The following CCNY variants were observed in gnomAD, a reference collection of about 807,000 sequenced individuals.
The protein encoded by CCNY is cyclin-Y.
A neutral mutation model predicts 42.8 loss-of-function variants in CCNY; 19 were observed. That is an observed-to-expected ratio of 0.44 (90% CI 0.31 to 0.65). CCNY has a LOEUF of 0.65. CCNY is among the 30% of genes least tolerant of loss of function. The pLI, the probability that CCNY is intolerant of heterozygous loss-of-function variation, is 0.07. For synonymous variants in CCNY, 165 were observed against 162.7 expected (o/e 1.01, Z -0.11); for missense variants, 370 against 437.3 (o/e 0.85, Z 1.37).
chr10:35,475,164 G>A (rs919152529), intron 1 of CCNY, among the ~76,000 whole-genome samples: 1 of 152,096 alleles, frequency 6.6e-6, no homozygotes, highest in African/African-American at 2.4e-5. Context: ...ACATCTGATT[G>A]GTGTACCTGA....
intron 8 of CCNY, among the ~76,000 whole-genome samples, chr10:35,559,510 T>A (rs1267950934): frequency 1.3e-5 from 2 of 152,194 alleles, no homozygotes; most frequent in Non-Finnish European, 2.9e-5. Flanking sequence ...TCTATCCATA[T>A]GGCAAAAAAA....
At chr10:35,565,176 AT>A (rs752365912) in intron 8 of CCNY, among the ~76,000 whole-genome samples, 84 of 152,278 alleles carry the variant, frequency 5.5e-4, no homozygotes, top group Non-Finnish European at 7.8e-4. Flanking sequence ...AAGTTTTTGA[AT>A]TTCTCCCAGC....
At chr10:35,251,589 C>CTTTTTTT (rs34197441) in intron 3 of CCNY, among the ~76,000 whole-genome samples, 2 of 139,346 alleles carry the variant, frequency 1.4e-5, no homozygotes, top group African/African-American at 2.6e-5. Flanking sequence ...TTCAATGTCA[C>CTTTTTTT]TTTTTTTTTT....
intron 1 of CCNY, among the ~76,000 whole-genome samples, chr10:35,346,747 CTCCT>C (rs1024151062): frequency 5.9e-5 from 9 of 152,202 alleles, no homozygotes; most frequent in Non-Finnish European, 1.3e-4. Context: ...CCACCTCAGC[CTCCT>C]GAGTAGCTGG....
At position 35,433,039 on chromosome 10, in the gene CCNY, C is replaced by T. The variant is rs1194312636; in HGVS notation, c.155-50365C>T. Among the ~76,000 whole-genome samples the T allele has an allele frequency of 9.2e-5, 14 of 152,166 alleles. 1 individual carries two copies. Among genetic ancestry groups the T allele is most frequent in the Admixed American group, 8.5e-4 (13 of 15,280 alleles). Reference sequence around the variant, plus strand: ...ATTCTTGATGTGCATATGAGGTTAACATCTCTTTAAGATACTGCCTGTAGG... The same window carrying T: ...ATTCTTGATGTGCATATGAGGTTAATATCTCTTTAAGATACTGCCTGTAGG... On this transcript the variant is annotated intron_variant, in intron 1 of 9. Coordinates refer to ENST00000374704, the MANE Select transcript of CCNY (RefSeq NM_145012.6).
chr10:35,253,255 C>T (rs1054120482), intron 3 of CCNY, among the ~76,000 whole-genome samples: 11 of 151,806 alleles, frequency 7.2e-5, no homozygotes, highest in Non-Finnish European at 1.3e-4. Flanking sequence ...GTCTTCTCCA[C>T]GTAATTTTTT....
intron 3 of CCNY, among the ~76,000 whole-genome samples, chr10:35,302,119 C>T (rs1306735004): frequency 3.3e-5 from 5 of 150,772 alleles, no homozygotes; most frequent in Admixed American, 1.3e-4. Context: ...CACGCCACCA[C>T]GCCTGGCTAA....
At chr10:35,331,163 G>A (rs1835939531) in intron 3 of CCNY, among the ~76,000 whole-genome samples, 1 of 152,202 alleles carries the variant, frequency 6.6e-6, no homozygotes, top group Non-Finnish European at 1.5e-5. Context: ...GCATACTGCT[G>A]TTCCTCACAA....
In CCNY at chr10:35,553,020, T is replaced by G. The variant is rs1450377627; in HGVS notation, c.581T>G (p.Val194Gly). 6.2e-7 allele frequency: 1 copy of G among 1,613,444 alleles called. No homozygotes were observed. The highest frequency in any genetic ancestry group is 8.5e-7 in the Non-Finnish European group (1 of 1,179,510). ...LTAECAIVTL[V>G]YLERLLTYAE... ...TCTGGCATTGTCTTGTCTTCCCAGGTGTACCTTGAAAGACTTTTAACATAC... is the reference window on the plus strand; with the variant it reads ...TCTGGCATTGTCTTGTCTTCCCAGGGGTACCTTGAAAGACTTTTAACATAC... The change falls in exon 8 of 10, where the codon GTG becomes GGG. Residue 194 changes from valine to glycine, a missense_variant and splice_region_variant. Val to Gly is a moderately radical substitution (Grantham distance 109). This residue lies in a region of CCNY where 234 missense variants were observed against 313.1 expected (regional missense o/e 0.75). Coordinates refer to ENST00000374704, the MANE Select transcript of CCNY (RefSeq NM_145012.6).
Position 35,568,276 on chromosome 10 carries a change from C to T in CCNY, c.910-778C>T, listed in dbSNP as rs117538420. On this transcript the variant is annotated intron_variant, in intron 9 of 9. Transcript: ENST00000374704. Reference sequence around the variant, plus strand: ...ACCTGCTTCTGGGGCTGCTGTGTCACGGGCCCTAGGGGTTCAGCAGGGCAG... The same window carrying T: ...ACCTGCTTCTGGGGCTGCTGTGTCATGGGCCCTAGGGGTTCAGCAGGGCAG... Among the ~76,000 whole-genome samples the T allele has an allele frequency of 4.2e-3, 636 of 152,280 alleles. 8 individuals are homozygous for T. Among genetic ancestry groups the T allele is most frequent in the Non-Finnish European group, 5.5e-3 (377 of 68,014 alleles).
At chr10:35,299,206 C>T (rs528926440) in intron 3 of CCNY, among the ~76,000 whole-genome samples, 6 of 152,328 alleles carry the variant, frequency 3.9e-5, no homozygotes, top group East Asian at 3.9e-4. Context: ...ATATGATGAA[C>T]GTTCCATCTG....
intron 1 of CCNY, among the ~76,000 whole-genome samples, chr10:35,465,340 T>C (rs1179942697): frequency 6.6e-6 from 1 of 152,118 alleles, no homozygotes; most frequent in African/African-American, 2.4e-5. Flanking sequence ...GCATTGTTGC[T>C]CTGATCGTCC....
chr10:35,301,333 T>G (rs1004942274), intron 3 of CCNY, among the ~76,000 whole-genome samples: 2 of 152,254 alleles, frequency 1.3e-5, no homozygotes, highest in Non-Finnish European at 2.9e-5. Context: ...AAATGTGTTA[T>G]CTATTTCCAT....
chr10:35,330,857 A>C (rs1835935727), intron 3 of CCNY, among the ~76,000 whole-genome samples: 2 of 151,916 alleles, frequency 1.3e-5, no homozygotes, highest in Non-Finnish European at 1.5e-5. Context: ...CCTGGGTTCA[A>C]GCAGTTCTCC....
At chr10:35,432,026 A>T (rs1251403650) in intron 1 of CCNY, among the ~76,000 whole-genome samples, 1 of 152,222 alleles carries the variant, frequency 6.6e-6, no homozygotes, top group Non-Finnish European at 1.5e-5. Context: ...CAGCAAAGAT[A>T]AGGAGGTCAT....
At chr10:35,259,559 G>T (rs2095718029) in intron 3 of CCNY, among the ~76,000 whole-genome samples, 1 of 140,666 alleles carries the variant, frequency 7.1e-6, no homozygotes, top group African/African-American at 2.7e-5. Context: ...CTGGAGTGCA[G>T]TGGCATGATC....
intron 3 of CCNY, among the ~76,000 whole-genome samples, chr10:35,323,049 C>G (rs889330726): frequency 1.3e-5 from 2 of 152,152 alleles, no homozygotes; most frequent in Admixed American, 6.5e-5. Flanking sequence ...GCCTTAGCCT[C>G]CCAAGTAGCG....
rs115571523 is a variant in CCNY, at chr10:35,285,611, A to C, written c.-9+34985A>C. 6.9e-3 allele frequency among the ~76,000 whole-genome samples: 1,045 copies of C among 151,948 alleles called. 11 individuals carry two copies. Among genetic ancestry groups the C allele is most frequent in the African/African-American group, 0.024 (998 of 41,424 alleles). Reference sequence around the variant, plus strand: ...CTGGCTAATTTTATTTCTTTATCATAATTATTATTATTTTATTATTTGTAG... The same window carrying C: ...CTGGCTAATTTTATTTCTTTATCATCATTATTATTATTTTATTATTTGTAG... On this transcript the variant is annotated intron_variant, in intron 3 of 11. Transcript: ENST00000374706.
intron 1 of CCNY, among the ~76,000 whole-genome samples, chr10:35,421,840 A>G: frequency 6.6e-6 from 1 of 152,170 alleles, no homozygotes; most frequent in South Asian, 2.1e-4. Flanking sequence ...GTTTCTCTTG[A>G]CAGTAAATAT....
Sources: allele counts gnomAD v4.1 joint callset (sites outside exome capture counted in the v4.1 genomes callset), GRCh38; gene constraint gnomAD v4.1.1; regional missense constraint gnomAD v4.1.1; transcripts MANE v1.5; gene names NCBI Gene and HGNC (gene_info 2026-07-23, HGNC 2026-07-21).